The following PARD3 variants were observed in gnomAD, a reference collection of about 807,000 sequenced individuals.
PARD3 encodes the protein par-3 family cell polarity regulator, also known as partitioning defective 3 homolog.
PARD3 carries 75 observed loss-of-function variants against 155.4 expected under a neutral mutation model. The ratio of observed to expected loss-of-function variants is 0.48; its 90% confidence interval spans 0.40 to 0.58. PARD3 has a LOEUF of 0.58. Among genes scored for constraint, PARD3 ranks in the 20% least tolerant of loss-of-function variants. The pLI is 0.00. For missense variants in PARD3, 1,642 were observed against 1,721.7 expected (o/e 0.95, Z 0.82); for synonymous variants, 576 against 610.5 (o/e 0.94, Z 0.83).
At chr10:34,456,468 T>C (rs2077347222) in intron 4 of PARD3, among the ~76,000 whole-genome samples, 1 of 151,994 alleles carries the variant, frequency 6.6e-6, no homozygotes, top group Non-Finnish European at 1.5e-5. Flanking sequence ...GGCTAATTTT[T>C]TGTATTTTTA....
intron 4 of PARD3, among the ~76,000 whole-genome samples, chr10:34,460,027 T>C (rs1225308971): frequency 6.6e-6 from 1 of 152,200 alleles, no homozygotes; most frequent in African/African-American, 2.4e-5. Context: ...TCATTTATCA[T>C]AATCTTATCC....
intron 3 of PARD3, among the ~76,000 whole-genome samples, chr10:34,496,529 G>A (rs148429723): frequency 1.6e-4 from 25 of 152,200 alleles, no homozygotes; most frequent in East Asian, 1.5e-3. Flanking sequence ...AATTGAAATC[G>A]GAGTTATATT....
At chr10:34,184,655 G>A (rs1392469137) in intron 22 of PARD3, among the ~76,000 whole-genome samples, 1 of 150,844 alleles carries the variant, frequency 6.6e-6, no homozygotes, top group Non-Finnish European at 1.5e-5. Context: ...TACAACCCCA[G>A]CTCACCAACG....
chr10:34,478,579 C>T (rs773997), intron 3 of PARD3, among the ~76,000 whole-genome samples: 4 of 152,000 alleles, frequency 2.6e-5, no homozygotes, highest in South Asian at 2.1e-4. Context: ...GTTTCACTCT[C>T]GTTGCCCAGG....
At chr10:34,496,075 G>A (rs1054328132) in intron 3 of PARD3, among the ~76,000 whole-genome samples, 2 of 151,922 alleles carry the variant, frequency 1.3e-5, no homozygotes, top group South Asian at 2.1e-4. Flanking sequence ...GGTGGTGTGC[G>A]CCTGTAGTCC....
intron 22 of PARD3, among the ~76,000 whole-genome samples, chr10:34,170,403 G>T (rs1252035593): frequency 6.6e-6 from 1 of 152,196 alleles, no homozygotes; most frequent in East Asian, 1.9e-4. Flanking sequence ...AACTTCTTCA[G>T]TCATGGATCT....
At chr10:34,133,051 G>C (rs1947695813) in intron 22 of PARD3, among the ~76,000 whole-genome samples, 2 of 152,044 alleles carry the variant, frequency 1.3e-5, no homozygotes, top group South Asian at 4.2e-4. Context: ...ATCCCACTGA[G>C]AGCCACCTCC....
intron 22 of PARD3, among the ~76,000 whole-genome samples, chr10:34,218,624 T>C (rs1448163777): frequency 1.3e-5 from 2 of 152,194 alleles, no homozygotes; most frequent in African/African-American, 4.8e-5. Context: ...ACAAATTTTT[T>C]TTTGAAGTTT....
intron 3 of PARD3, among the ~76,000 whole-genome samples, chr10:34,495,563 T>C (rs539121490): frequency 1.2e-4 from 18 of 152,280 alleles, no homozygotes; most frequent in African/African-American, 4.3e-4. Context: ...CAAATAGTGG[T>C]CTCTGAATAC....
intron 22 of PARD3, among the ~76,000 whole-genome samples, chr10:34,144,952 C>T (rs1948383460): frequency 6.6e-6 from 1 of 152,012 alleles, no homozygotes; most frequent in African/African-American, 2.4e-5. Context: ...TTAAAGCACA[C>T]ATTCGGTGGC....
At position 34,360,094 on chromosome 10, in the gene PARD3, T is replaced by C; in HGVS notation, c.1873A>G (p.Ile625Val). ...ACTTTAGATGCTGCTCCTCCATTAATAATGGACTTGACAAAGATTCCCAAA... is the reference window on the plus strand; with the variant it reads ...ACTTTAGATGCTGCTCCTCCATTAACAATGGACTTGACAAAGATTCCCAAA... ...ADLGIFVKSI[I>V]NGGAASKDGR... The change falls in exon 13 of 25, where the codon ATT (isoleucine) becomes GTT (valine). Residue 625 changes from isoleucine (I) to valine (V), a missense_variant. By Grantham distance (29) the Ile-to-Val change is conservative. This residue lies in a region of PARD3 where 1,529 missense variants were observed against 1,587.3 expected (regional missense o/e 0.96). Coordinates refer to ENST00000374788, the MANE Select transcript of PARD3 (RefSeq NM_001184785.2). The C allele has an allele frequency of 6.2e-7, 1 of 1,614,114 alleles. No homozygotes were observed. Among genetic ancestry groups the C allele is most frequent in the Non-Finnish European group, 8.5e-7 (1 of 1,179,932 alleles).
intron 2 of PARD3, among the ~76,000 whole-genome samples, chr10:34,526,140 C>T (rs1003240450): frequency 2.1e-5 from 3 of 144,682 alleles, no homozygotes; most frequent in South Asian, 2.2e-4. Flanking sequence ...TAGGTCTTAA[C>T]GAGATAAACC....
intron 9 of PARD3, among the ~76,000 whole-genome samples, chr10:34,379,551 T>C (rs1841614243): frequency 1.3e-5 from 2 of 152,152 alleles, no homozygotes; most frequent in African/African-American, 4.8e-5. Context: ...TCTTAATTAC[T>C]CTCCTTTTGC....
intron 22 of PARD3, among the ~76,000 whole-genome samples, chr10:34,262,113 A>G (rs185823181): frequency 0.012 from 1,316 of 107,174 alleles, 24 homozygotes; most frequent in African/African-American, 0.048. Context: ...GGTACTTGGT[A>G]AAAATGTGGG....
intron 1 of PARD3, 71 bp from the exon 2 acceptor site, chr10:34,696,490 C>A: frequency 1.1e-6 from 1 of 933,748 alleles, no homozygotes; most frequent in Non-Finnish European, 1.7e-6. Flanking sequence ...CATTTTAAAC[C>A]GTGATAACTT....
intron 12 of PARD3, among the ~76,000 whole-genome samples, chr10:34,363,873 C>T (rs1479323332): frequency 1.3e-5 from 2 of 152,158 alleles, no homozygotes; most frequent in Non-Finnish European, 2.9e-5. Context: ...TCTCCATTAC[C>T]ATTTGTTGTC....
At chr10:34,146,512 G>A (rs892626383) in intron 22 of PARD3, among the ~76,000 whole-genome samples, 2 of 152,080 alleles carry the variant, frequency 1.3e-5, no homozygotes, top group Non-Finnish European at 2.9e-5. Context: ...AGATTTAACC[G>A]AGTCCTCCAC....
At chr10:34,601,684 G>A (rs998211823) in intron 2 of PARD3, among the ~76,000 whole-genome samples, 42 of 152,134 alleles carry the variant, frequency 2.8e-4, no homozygotes, top group African/African-American at 9.9e-4. Flanking sequence ...TCCAATCCCT[G>A]TGGCACTATG....
rs575476646 is a variant in PARD3 at position 34,378,833 on chromosome 10, A to G, written c.1400-727T>C. Among the ~76,000 whole-genome samples, 441 of 152,080 alleles carry G rather than the reference A, an allele frequency of 2.9e-3. 2 individuals carry two copies. Among genetic ancestry groups the G allele is most frequent in the African/African-American group, 0.01 (427 of 41,562 alleles). Reference sequence around the variant, plus strand: ...GGTACTAAATTAATGATGCATTTATAAATTACTCTGATGATTCACAGAATT... The same window carrying G: ...GGTACTAAATTAATGATGCATTTATGAATTACTCTGATGATTCACAGAATT... On this transcript the variant is annotated intron_variant, in intron 9 of 24. Transcript: ENST00000374788.
Sources: allele counts gnomAD v4.1 joint callset (sites outside exome capture counted in the v4.1 genomes callset), GRCh38; gene constraint gnomAD v4.1.1; regional missense constraint gnomAD v4.1.1; transcripts MANE v1.5; gene names NCBI Gene and HGNC (gene_info 2026-07-23, HGNC 2026-07-21).